ZNF284: variants seen among roughly 807,000 people sequenced by gnomAD.
The protein encoded by ZNF284 is zinc finger protein 284.
ZNF284 carries 12 observed loss-of-function variants against 12.9 expected under a neutral mutation model. The ratio of observed to expected loss-of-function variants is 0.93; its 90% CI spans 0.60 to 1.51. The LOEUF (loss-of-function observed/expected upper bound fraction) is 1.51. Among genes scored for constraint, ZNF284 ranks in the 40% most tolerant of loss-of-function variants. ZNF284 has a pLI of 0.00. For missense variants in ZNF284, 667 were observed against 707.3 expected, an observed-to-expected ratio of 0.94 and a Z score of 0.65; for synonymous variants, 225 against 236.5, an observed-to-expected ratio of 0.95 and a Z score of 0.45.
At chr19:44,080,949 C>T (rs1967111286) in intron 2 of ZNF284, 66 bp from the exon 3 acceptor site, 2 of 1,559,970 alleles carry the variant, frequency 1.3e-6, no homozygotes, top group African/African-American at 1.4e-5. Flanking sequence ...TTCACCTGCT[C>T]ATTGCCACCC....
chr19:44,083,308 C>A (rs1967156161), intron 4 of ZNF284, among the ~76,000 whole-genome samples: 1 of 151,516 alleles, frequency 6.6e-6, no homozygotes, highest in Non-Finnish European at 1.5e-5. Flanking sequence ...GTAGCACAGT[C>A]CTGTAATCCC....
intron 1 of ZNF284, among the ~76,000 whole-genome samples, chr19:44,074,998 T>G (rs1407879426): frequency 6.6e-6 from 1 of 152,032 alleles, no homozygotes; most frequent in African/African-American, 2.4e-5. Flanking sequence ...AGACTCTGTC[T>G]CAAAAAAATA....
chr19:44,085,425 A>G, intron 4 of ZNF284: 1 of 275,840 alleles, frequency 3.6e-6, no homozygotes, highest in Admixed American at 4.9e-5. Context: ...TAGTAGTTAC[A>G]TAATATACCA....
rs769758666 is a variant in ZNF284 at position 44,086,228 on chromosome 19, C to A, written c.750C>A (p.Cys250Ter). 1 of 1,614,112 alleles carries A rather than the reference C, an allele frequency of 6.2e-7. No homozygotes were observed. The highest frequency in any genetic ancestry group is 1.1e-5 in the South Asian group (1 of 91,078). Residue 250 changes from cysteine (C) to a stop codon, truncating the protein, a stop_gained, in exon 5 of 5, where the codon TGC (cysteine) becomes TGA (stop). Coordinates refer to ENST00000421176, the MANE Select transcript of ZNF284 (RefSeq NM_001037813.4). LOFTEE classifies it low-confidence loss of function (END_TRUNC). Reference protein sequence around the residue: ...FSRRSGMYVHCKLHTGEKPHI... With the variant: ...FSRRSGMYVH ...GTAGATCAGGAATGTATGTTCATTG[C>A]AAATTACACACAGGAGAAAAACCTC...
chr19:44,074,865 G>C (rs1417290783), intron 1 of ZNF284, among the ~76,000 whole-genome samples: 1 of 151,766 alleles, frequency 6.6e-6, no homozygotes, highest in Admixed American at 6.6e-5. Flanking sequence ...AAATTTGAGG[G>C]GGCGTGCGCC....
chr19:44,079,838 G>T (rs1008324899), intron 2 of ZNF284, among the ~76,000 whole-genome samples: 3 of 152,038 alleles, frequency 2.0e-5, no homozygotes, highest in African/African-American at 7.2e-5. Context: ...TGGGGCAGGA[G>T]AATTGCTTGA....
intron 2 of ZNF284, among the ~76,000 whole-genome samples, chr19:44,080,463 A>G (rs1227947459): frequency 6.6e-6 from 1 of 151,966 alleles, no homozygotes; most frequent in Non-Finnish European, 1.5e-5. Flanking sequence ...GCAGGTGCCT[A>G]TAATCCCAGC....
intron 1 of ZNF284, among the ~76,000 whole-genome samples, chr19:44,076,105 A>C (rs144940734): frequency 6.6e-6 from 1 of 152,142 alleles, no homozygotes; most frequent in African/African-American, 2.4e-5. Flanking sequence ...CATTTCTTTA[A>C]ATTTCCAAGT....
intron 4 of ZNF284, among the ~76,000 whole-genome samples, chr19:44,083,340 G>A (rs1038107459): frequency 2.1e-4 from 32 of 151,308 alleles, no homozygotes; most frequent in Non-Finnish European, 3.5e-4. Flanking sequence ...TGGCTGAGGC[G>A]TGAGAATCAC....
intron 2 of ZNF284, among the ~76,000 whole-genome samples, chr19:44,077,195 C>T (rs747894749): frequency 2.0e-5 from 3 of 152,228 alleles, no homozygotes; most frequent in East Asian, 1.9e-4. Context: ...ACATGTGCCA[C>T]GTTGGTTGTT....
chr19:44,085,824 G>A lies in ZNF284; in HGVS notation c.346G>A (p.Asp116Asn). Reference protein sequence around the residue: ...QTASELTRPQDSISSSQFSTQ... With the variant: ...QTASELTRPQNSISSSQFSTQ... ...TGCAAGTGAGTTAACTAGACCTCAAGACTCCATAAGTAGCTCTCAGTTCTC... is the reference window on the plus strand; with the variant it reads ...TGCAAGTGAGTTAACTAGACCTCAAAACTCCATAAGTAGCTCTCAGTTCTC... Residue 116 changes from aspartate (D) to asparagine (N), a missense_variant, in exon 5 of 5, where the codon GAC becomes AAC. Coordinates refer to ENST00000421176, the MANE Select transcript of ZNF284 (RefSeq NM_001037813.4). 1.9e-6 allele frequency: 3 copies of A among 1,602,722 alleles called. No homozygotes were observed. The highest frequency in any genetic ancestry group is 2.6e-6 in the Non-Finnish European group (3 of 1,174,434).
At chr19:44,083,487 AGAGAGAGAGAGAGAGGG>A (rs1967166076) in intron 4 of ZNF284, among the ~76,000 whole-genome samples, 1 of 98,086 alleles carries the variant, frequency 1.0e-5, no homozygotes, top group Non-Finnish European at 2.3e-5. Context: ...AGAGAGAGAG[AGAGAGAGAGAGAGAGGG>A]AATGGAATAC....
In ZNF284 at chr19:44,081,234, T is replaced by C. The variant is rs1967119212; in HGVS notation, c.142+93T>C. ...GTGTTAGTTTGTTCTTATGCTGCTA[T>C]GAAGAAATACCCAAGACTGGGTAAT... On this transcript the variant is annotated intron_variant, in intron 3 of 4. Transcript: ENST00000421176. 5 of 1,422,648 alleles carry C rather than the reference T, an allele frequency of 3.5e-6. No homozygotes were observed. In the South Asian group the frequency reaches 5.8e-5, roughly 16 times the overall value. 88.1% of individuals were successfully genotyped at this position (1,422,648 alleles called of 1,614,324 possible). A position where few individuals can be genotyped will look rare whatever the true frequency, so the allele number is the denominator to read the frequency against.
intron 2 of ZNF284, 109 bp downstream of exon 2, chr19:44,076,513 G>C: frequency 1.7e-6 from 2 of 1,188,930 alleles, no homozygotes; most frequent in Non-Finnish European, 2.4e-6. Context: ...AGTTATTTGT[G>C]CACCTGTTGT....
Position 44,085,800 on chromosome 19 carries a change from G to T in ZNF284, c.322G>T (p.Ala108Ser), listed in dbSNP as rs776018033. Residue 108 changes from alanine (A) to serine (S), a missense_variant, in exon 5 of 5, where the codon GCA (alanine) becomes TCA (serine). By Grantham distance (99) the Ala-to-Ser change is moderately conservative. Coordinates refer to ENST00000421176, the MANE Select transcript of ZNF284 (RefSeq NM_001037813.4). ...TTGCCAGCAAATCTGGGAACAAACTGCAAGTGAGTTAACTAGACCTCAAGA... is the reference window on the plus strand; with the variant it reads ...TTGCCAGCAAATCTGGGAACAAACTTCAAGTGAGTTAACTAGACCTCAAGA... ...WSCQQIWEQTASELTRPQDSI... is the reference protein window; with the variant it reads ...WSCQQIWEQTSSELTRPQDSI... 2.5e-6 allele frequency: 4 copies of T among 1,613,972 alleles called. No individual in the cohort carries two copies. The highest frequency in any genetic ancestry group is 3.4e-6 in the Non-Finnish European group (4 of 1,180,014).
chr19:44,087,484 GTTCCT>G lies in ZNF284; in HGVS notation c.*228_*232del, dbSNP rs897659497. 1.3e-5 allele frequency: 4 copies of G among 301,838 alleles called. No homozygotes were observed. Among genetic ancestry groups the G allele is most frequent in the Non-Finnish European group, 1.2e-5 (2 of 165,242 alleles). The allele number at this position is 301,838 out of a possible 1,614,324, so 18.7% of individuals were successfully genotyped here. A position where few individuals can be genotyped will look rare whatever the true frequency, so the allele number is the denominator to read the frequency against. ...TTAGTGCTGTGGAACACTAGAACTT[GTTCCT>G]TTCATCATCTTACTGTACTTTCATA... On this transcript the variant is annotated 3_prime_UTR_variant, in exon 5 of 5. Transcript: ENST00000421176.
rs759571213 is a variant in ZNF284 at position 44,086,914 on chromosome 19, G to A, written c.1436G>A (p.Gly479Glu). 1 of 1,614,142 alleles carries A rather than the reference G, an allele frequency of 6.2e-7. No individual in the cohort carries two copies. Among genetic ancestry groups the A allele is most frequent in the South Asian group, 1.1e-5 (1 of 91,076 alleles). Residue 479 changes from glycine to glutamate, a missense_variant, in exon 5 of 5, where the codon GGA becomes GAA. Transcript: ENST00000421176. ...TTGAGACATAAGAGACTCCATACTGGAGAAAAACCATTCAAATGTGAAGAG... is the reference window on the plus strand; with the variant it reads ...TTGAGACATAAGAGACTCCATACTGAAGAAAAACCATTCAAATGTGAAGAG... ...GILRHKRLHT[G>E]EKPFKCEECG... is the part of the protein sequence containing the mutation.
Position 44,086,325 on chromosome 19 carries a change from G to A in ZNF284, c.847G>A (p.Gly283Arg). The A allele has an allele frequency of 6.2e-7, 1 of 1,614,158 alleles. No individual in the cohort carries two copies. Among genetic ancestry groups the A allele is most frequent in the South Asian group, 1.1e-5 (1 of 91,080 alleles). The change falls in exon 5 of 5, where the codon GGG becomes AGG. Residue 283 changes from glycine to arginine, a missense_variant. Coordinates refer to ENST00000421176, the MANE Select transcript of ZNF284 (RefSeq NM_001037813.4). ...TCGGGAACATCAAAGAATCCATACTGGGGAGAAGCCATTCAAATGTTATAT... is the reference window on the plus strand; with the variant it reads ...TCGGGAACATCAAAGAATCCATACTAGGGAGAAGCCATTCAAATGTTATAT... ...QLREHQRIHT[G>R]EKPFKCYICG...
chr19:44,080,071 C>T (rs1403848712), intron 2 of ZNF284, among the ~76,000 whole-genome samples: 2 of 152,182 alleles, frequency 1.3e-5, no homozygotes, highest in Non-Finnish European at 2.9e-5. Context: ...GAAACGAATG[C>T]ATGTAGGCAA....
Sources: allele counts gnomAD v4.1 joint callset (sites outside exome capture counted in the v4.1 genomes callset), GRCh38; gene constraint gnomAD v4.1.1; transcripts MANE v1.5; gene names NCBI Gene and HGNC (gene_info 2026-07-23, HGNC 2026-07-21).